SLC16A2: variants seen among roughly 807,000 people sequenced by gnomAD.
SLC16A2 encodes the protein solute carrier family 16 member 2, also known as monocarboxylate transporter 8.
Under a neutral mutation model 27.2 loss-of-function variants are expected in SLC16A2, and 3 were observed. The observed-to-expected ratio is 0.11, with a 90% CI of 0.05 to 0.28. The LOEUF is 0.28. Among genes scored for constraint, SLC16A2 ranks in the 10% least tolerant of loss-of-function variants. The pLI is 1.00. For missense variants in SLC16A2, 295 were observed against 458.5 expected, an observed-to-expected ratio of 0.64 and a Z score of 3.26; for synonymous variants, 202 against 187.8, an observed-to-expected ratio of 1.08 and a Z score of -0.62.
At chrX:74,439,698 G>A (rs942651202) in intron 1 of SLC16A2, among the ~76,000 whole-genome samples, 2 of 108,667 alleles carry the variant, frequency 1.8e-5, no homozygotes, top group African/African-American at 3.4e-5. Flanking sequence ...TATGTGTGGT[G>A]GGGGAGTGGG....
intron 5 of SLC16A2, among the ~76,000 whole-genome samples, chrX:74,530,166 T>C (rs1930546163): frequency 9.5e-6 from 1 of 105,073 alleles, no homozygotes; most frequent in African/African-American, 3.5e-5. Context: ...ATCTTGGCTA[T>C]CTCAGCTCAT....
At chrX:74,520,807 AATCCCCT>A (rs1262761494) in intron 1 of SLC16A2, among the ~76,000 whole-genome samples, 176 bp from the exon 2 acceptor site, 3 of 111,686 alleles carry the variant, frequency 2.7e-5, no homozygotes, top group Non-Finnish European at 3.8e-5. Flanking sequence ...GCAGTGATAG[AATCCCCT>A]GTTTTATATC....
At chrX:74,491,516 T>A (rs909839122) in intron 1 of SLC16A2, among the ~76,000 whole-genome samples, 2 of 111,973 alleles carry the variant, frequency 1.8e-5, no homozygotes, top group African/African-American at 6.5e-5. Context: ...ATGTTTCTTA[T>A]CAGACTTAAA....
At chrX:74,493,314 T>C (rs779628379) in intron 1 of SLC16A2, among the ~76,000 whole-genome samples, 1 of 111,869 alleles carries the variant, frequency 8.9e-6, no homozygotes, top group Admixed American at 9.4e-5. Flanking sequence ...ATCCAGTCCA[T>C]TTGAGCGTGA....
intron 1 of SLC16A2, among the ~76,000 whole-genome samples, chrX:74,435,072 C>T (rs922185225): frequency 7.3e-5 from 8 of 109,325 alleles, no homozygotes; most frequent in Admixed American, 2.9e-4. Flanking sequence ...CCTTGTGATC[C>T]GCCTGCCTCG....
intron 1 of SLC16A2, among the ~76,000 whole-genome samples, chrX:74,489,491 A>G (rs1929783679): frequency 8.9e-6 from 1 of 112,299 alleles, no homozygotes; most frequent in African/African-American, 3.2e-5. Context: ...TATTTTACCA[A>G]TAATTTTAAA....
chrX:74,480,432 G>T (rs780007612), intron 1 of SLC16A2, among the ~76,000 whole-genome samples: 7 of 112,744 alleles, frequency 6.2e-5, no homozygotes, highest in South Asian at 3.6e-4. Flanking sequence ...TGCACTTCTT[G>T]CATGAGGCAA....
At chrX:74,511,928 G>A (rs1321474070) in intron 1 of SLC16A2, among the ~76,000 whole-genome samples, 1 of 112,101 alleles carries the variant, frequency 8.9e-6, no homozygotes, top group Non-Finnish European at 1.9e-5. Context: ...GTGAGCCGCA[G>A]AGATAAGGGC....
intron 3 of SLC16A2, among the ~76,000 whole-genome samples, chrX:74,525,132 T>C (rs1930470269): frequency 8.9e-6 from 1 of 111,815 alleles, no homozygotes; most frequent in African/African-American, 3.3e-5. Flanking sequence ...GACAGGATTC[T>C]GTGGAATGCT....
chrX:74,443,445 C>T (rs193166122), intron 1 of SLC16A2, among the ~76,000 whole-genome samples: 39 of 112,030 alleles, frequency 3.5e-4, no homozygotes, highest in African/African-American at 1.3e-3. Context: ...CTCTCCTCCC[C>T]ACTAGGCTCT....
Position 74,421,700 on chromosome X carries a change from A to G in SLC16A2, c.63A>G (p.Glu21=), listed in dbSNP as rs781172001. 13 of 1,189,169 alleles carry G rather than the reference A, an allele frequency of 1.1e-5. No individual in the cohort carries two copies. In the East Asian group the frequency reaches 3.0e-4, roughly 28 times the overall value. ...GGCCCTGGCAGGAGGCAGACCAGGAACAGCAGGAGCCGGTGGGTAGCCCAG... is the reference window on the plus strand; with the variant it reads ...GGCCCTGGCAGGAGGCAGACCAGGAGCAGCAGGAGCCGGTGGGTAGCCCAG... ...AKGPWQEADQ[E]QQEPVGSPEP... Residue 21 remains glutamate (E), a synonymous_variant, in exon 1 of 6, where the codon GAA becomes GAG. Coordinates refer to ENST00000587091, the MANE Select transcript of SLC16A2 (RefSeq NM_006517.5).
At chrX:74,511,111 C>T (rs963361781) in intron 1 of SLC16A2, among the ~76,000 whole-genome samples, 12 of 110,866 alleles carry the variant, frequency 1.1e-4, no homozygotes, top group African/African-American at 3.9e-4. Context: ...TTAGGTAGCC[C>T]ACGAAAATTG....
At chrX:74,428,122 C>G (rs1928450272) in intron 1 of SLC16A2, among the ~76,000 whole-genome samples, 1 of 108,719 alleles carries the variant, frequency 9.2e-6, no homozygotes, top group African/African-American at 3.4e-5. Context: ...TGTATCTCTC[C>G]CAGTATTCAA....
Position 74,463,056 on chromosome X carries a change from G to T in SLC16A2, c.430+40989G>T, listed in dbSNP as rs193221024. 1.3e-4 allele frequency among the ~76,000 whole-genome samples: 14 copies of T among 111,416 alleles called. No individual in the cohort carries two copies. In the East Asian group the frequency reaches 4.0e-3, roughly 31 times the overall value. On this transcript the variant is annotated intron_variant, in intron 1 of 5. Transcript: ENST00000587091. ...AGGATAGTGAAAAAGTAGCTAGCCTGGGAAAGAAGAGATATACACAACTCT... is the reference window on the plus strand; with the variant it reads ...AGGATAGTGAAAAAGTAGCTAGCCTTGGAAAGAAGAGATATACACAACTCT...
intron 1 of SLC16A2, among the ~76,000 whole-genome samples, chrX:74,448,922 T>C (rs994762692): frequency 4.5e-5 from 5 of 111,121 alleles, no homozygotes; most frequent in Non-Finnish European, 7.5e-5. Flanking sequence ...AGACAGCCCC[T>C]GAGAGTTGTT....
At chrX:74,482,145 T>C (rs1929632711) in intron 1 of SLC16A2, among the ~76,000 whole-genome samples, 1 of 111,515 alleles carries the variant, frequency 9.0e-6, no homozygotes, top group South Asian at 3.7e-4. Context: ...GCTTCTATTC[T>C]TTCTGGTAGA....
chrX:74,522,218 C>G (rs1930418486), intron 2 of SLC16A2, among the ~76,000 whole-genome samples: 1 of 111,864 alleles, frequency 8.9e-6, no homozygotes, highest in Non-Finnish European at 1.9e-5. Flanking sequence ...AGCGTCATGG[C>G]TCTCTAGGCC....
At chrX:74,526,744 C>T (rs1930491824) in intron 4 of SLC16A2, among the ~76,000 whole-genome samples, 1 of 112,550 alleles carries the variant, frequency 8.9e-6, no homozygotes, top group African/African-American at 3.2e-5. Flanking sequence ...GATGGCAGAG[C>T]CAAGTCTCAG....
chrX:74,462,889 C>T (rs1569288991), intron 1 of SLC16A2, among the ~76,000 whole-genome samples: 1 of 112,050 alleles, frequency 8.9e-6, no homozygotes, highest in African/African-American at 3.2e-5. Context: ...ACAGACTCAA[C>T]AAAGGGATCT....
Sources: allele counts gnomAD v4.1 joint callset (sites outside exome capture counted in the v4.1 genomes callset), GRCh38; gene constraint gnomAD v4.1.1; transcripts MANE v1.5; gene names NCBI Gene and HGNC (gene_info 2026-07-23, HGNC 2026-07-21).